The following RCAN2 variants were observed in gnomAD, a reference collection of about 807,000 sequenced individuals.
RCAN2 encodes the protein regulator of calcineurin 2.
RCAN2 carries 9 observed loss-of-function variants against 23.6 expected under a neutral mutation model. That is an observed-to-expected ratio of 0.38 (90% CI 0.23 to 0.67). The LOEUF (loss-of-function observed/expected upper bound fraction) is 0.67, where lower values mean the gene tolerates loss of function less well. Among genes scored for constraint, RCAN2 ranks in the 30% least tolerant of loss-of-function variants. The pLI is 0.51. For missense variants in RCAN2, 273 were observed against 302.3 expected (o/e 0.90, Z 0.72); for synonymous variants, 109 against 115.7 (o/e 0.94, Z 0.37).
intron 1 of RCAN2, among the ~76,000 whole-genome samples, chr6:46,458,067 T>C (rs1164529489): frequency 6.6e-6 from 1 of 152,210 alleles, no homozygotes; most frequent in Non-Finnish European, 1.5e-5. Context: ...AACTTGCTCA[T>C]GGTTACGCAA....
intron 2 of RCAN2, among the ~76,000 whole-genome samples, chr6:46,356,938 G>C (rs1037204966): frequency 6.6e-6 from 1 of 152,218 alleles, no homozygotes; most frequent in Non-Finnish European, 1.5e-5. Flanking sequence ...TAAGTAGAGA[G>C]AATATTCTGG....
rs141860150 is a variant in RCAN2 at position 46,292,605 on chromosome 6, G to T, written c.226-43709C>A. Among the ~76,000 whole-genome samples, 11 of 151,732 alleles carry T rather than the reference G, an allele frequency of 7.2e-5. No individual in the cohort carries two copies. In the East Asian group the frequency reaches 1.9e-3, roughly 27 times the overall value. On this transcript the variant is annotated intron_variant, in intron 2 of 4. Transcript: ENST00000371374. ...GTGAAATTACACAGAAGCATTCTTA[G>T]GTAATAGAAAAATTTATTTTTCCAA...
chr6:46,328,765 C>T (rs1763871420), intron 2 of RCAN2, among the ~76,000 whole-genome samples: 1 of 152,208 alleles, frequency 6.6e-6, no homozygotes, highest in Non-Finnish European at 1.5e-5. Flanking sequence ...CACGGGCCAC[C>T]ACGCCCAGCT....
At chr6:46,315,092 C>G (rs1237214749) in intron 2 of RCAN2, among the ~76,000 whole-genome samples, 1 of 152,200 alleles carries the variant, frequency 6.6e-6, no homozygotes, top group Non-Finnish European at 1.5e-5. Context: ...GCACATTACT[C>G]TGTCTGAATG....
At chr6:46,456,398 T>C (rs1768031796) in intron 2 of RCAN2, among the ~76,000 whole-genome samples, 1 of 152,216 alleles carries the variant, frequency 6.6e-6, no homozygotes, top group Non-Finnish European at 1.5e-5. Context: ...AGGCAAATTA[T>C]ATTTATGGCA....
chr6:46,348,061 A>T (rs1764541495), intron 2 of RCAN2, among the ~76,000 whole-genome samples: 1 of 152,228 alleles, frequency 6.6e-6, no homozygotes, highest in South Asian at 2.1e-4. Context: ...GGAAGCAGCC[A>T]TCATTTCAAT....
At chr6:46,271,938 C>T (rs1229394444) in intron 2 of RCAN2, among the ~76,000 whole-genome samples, 10 of 152,152 alleles carry the variant, frequency 6.6e-5, no homozygotes, top group Non-Finnish European at 7.3e-5. Context: ...AAGTAGGTGA[C>T]GAGACTCTGT....
chr6:46,354,205 CTGTGTG>C (rs56237510), intron 2 of RCAN2, among the ~76,000 whole-genome samples: 15,102 of 132,896 alleles, frequency 0.11, 812 homozygotes, highest in East Asian at 0.14. Flanking sequence ...TGTTATTTTA[CTGTGTG>C]TGTGTGTGTG....
At chr6:46,394,223 G>C (rs1033105417) in intron 2 of RCAN2, among the ~76,000 whole-genome samples, 1 of 152,184 alleles carries the variant, frequency 6.6e-6, no homozygotes, top group Non-Finnish European at 1.5e-5. Context: ...TCCGTGACAG[G>C]TGGCAGAATT....
At chr6:46,443,459 A>C (rs1482773814) in intron 2 of RCAN2, among the ~76,000 whole-genome samples, 1 of 152,054 alleles carries the variant, frequency 6.6e-6, no homozygotes, top group African/African-American at 2.4e-5. Flanking sequence ...AAATGTATTT[A>C]TTACAGTAAC....
rs568781468 is a variant in RCAN2, at chr6:46,431,212, A to G, written c.225+25540T>C. 3.3e-5 allele frequency among the ~76,000 whole-genome samples: 5 copies of G among 152,080 alleles called. No homozygotes were observed. In the East Asian group the frequency reaches 9.7e-4, roughly 30 times the overall value. On this transcript the variant is annotated intron_variant, in intron 2 of 4. Coordinates refer to ENST00000371374, the MANE Select transcript of RCAN2 (RefSeq NM_001251974.2). Reference sequence around the variant, plus strand: ...GAAGATTTGTATTTTTAAAAAAAAAAACTATTTTTTGAGACAAGGTCTTGG... The same window carrying G: ...GAAGATTTGTATTTTTAAAAAAAAAGACTATTTTTTGAGACAAGGTCTTGG...
At chr6:46,330,944 C>G (rs6918596) in intron 2 of RCAN2, among the ~76,000 whole-genome samples, 271 of 152,258 alleles carry the variant, frequency 1.8e-3, no homozygotes, top group African/African-American at 6.2e-3. Context: ...CTAGATGGTG[C>G]TATGTGTACT....
chr6:46,246,565 A>G (rs976709036), intron 4 of RCAN2, among the ~76,000 whole-genome samples, 183 bp downstream of exon 4: 1 of 152,174 alleles, frequency 6.6e-6, no homozygotes, highest in African/African-American at 2.4e-5. Flanking sequence ...TTGCTTTTTG[A>G]ACGGGTGCAA....
intron 2 of RCAN2, among the ~76,000 whole-genome samples, chr6:46,331,048 A>G (rs886155444): frequency 2.6e-5 from 4 of 152,192 alleles, no homozygotes; most frequent in African/African-American, 7.2e-5. Context: ...ATTAGGATTT[A>G]CACAATGATG....
At chr6:46,394,452 A>G (rs1379254883) in intron 2 of RCAN2, among the ~76,000 whole-genome samples, 1 of 152,236 alleles carries the variant, frequency 6.6e-6, no homozygotes, top group African/African-American at 2.4e-5. Flanking sequence ...AAATAAAAGC[A>G]TAGAATGCTG....
chr6:46,299,449 G>C (rs575994137), intron 2 of RCAN2, among the ~76,000 whole-genome samples: 1 of 152,130 alleles, frequency 6.6e-6, no homozygotes, highest in South Asian at 2.1e-4. Context: ...AACTATAACA[G>C]TCATAATGGT....
At chr6:46,312,451 G>A (rs1055090494) in intron 2 of RCAN2, among the ~76,000 whole-genome samples, 5 of 152,172 alleles carry the variant, frequency 3.3e-5, no homozygotes, top group Non-Finnish European at 7.4e-5. Context: ...GTCTGGGCTT[G>A]TAAGTCTGTC....
At chr6:46,444,688 T>C (rs965755325) in intron 2 of RCAN2, among the ~76,000 whole-genome samples, 9 of 152,150 alleles carry the variant, frequency 5.9e-5, no homozygotes, top group African/African-American at 1.9e-4. Flanking sequence ...TCCATGCCAG[T>C]CCTGCAGCTT....
chr6:46,286,745 G>A (rs1762387692), intron 2 of RCAN2, among the ~76,000 whole-genome samples: 2 of 152,182 alleles, frequency 1.3e-5, no homozygotes, highest in African/African-American at 2.4e-5. Context: ...GCTCACGCCT[G>A]TAATCCCAGC....
Sources: allele counts gnomAD v4.1 joint callset (sites outside exome capture counted in the v4.1 genomes callset), GRCh38; gene constraint gnomAD v4.1.1; transcripts MANE v1.5; gene names NCBI Gene and HGNC (gene_info 2026-07-23, HGNC 2026-07-21).